The following CDH18 variants were observed in gnomAD, a reference collection of about 807,000 sequenced individuals.
The protein encoded by CDH18 is cadherin-18.
A neutral mutation model predicts 67.9 loss-of-function variants in CDH18; 31 were observed. The ratio of observed to expected loss-of-function variants is 0.46; its 90% CI spans 0.34 to 0.62. The LOEUF (loss-of-function observed/expected upper bound fraction) is 0.62. Among genes scored for constraint, CDH18 ranks in the 20% least tolerant of loss-of-function variants. The pLI is 0.01. For missense variants in CDH18, 890 were observed against 975.5 expected (o/e 0.91, Z 1.17); for synonymous variants, 362 against 347.2 (o/e 1.04, Z -0.48).
chr5:20,494,442 T>C (rs1753789339), intron 1 of CDH18, among the ~76,000 whole-genome samples: 1 of 152,142 alleles, frequency 6.6e-6, no homozygotes, highest in African/African-American at 2.4e-5. Flanking sequence ...GGACCTTACA[T>C]GACTGTACAG....
At chr5:19,749,850 C>T (rs559350089) in intron 3 of CDH18, among the ~76,000 whole-genome samples, 2 of 151,242 alleles carry the variant, frequency 1.3e-5, no homozygotes, top group South Asian at 2.1e-4. Context: ...TTTTATAATA[C>T]CTAGTTAACA....
intron 2 of CDH18, among the ~76,000 whole-genome samples, chr5:20,097,622 G>A (rs1026583096): frequency 4.0e-5 from 6 of 151,860 alleles, no homozygotes; most frequent in Admixed American, 6.6e-5. Flanking sequence ...TATTATATTC[G>A]GTTATTTATA....
chr5:19,496,798 T>A (rs1460184515), intron 11 of CDH18, among the ~76,000 whole-genome samples: 1 of 116,314 alleles, frequency 8.6e-6, no homozygotes, highest in Non-Finnish European at 1.6e-5. Context: ...GGCAACAGAG[T>A]GAGACTCCAT....
chr5:20,046,798 G>C (rs1393434748), intron 2 of CDH18, among the ~76,000 whole-genome samples: 1 of 151,522 alleles, frequency 6.6e-6, no homozygotes, highest in Non-Finnish European at 1.5e-5. Context: ...CTTTTCGAGA[G>C]CTGTTTTATT....
chr5:20,567,847 C>T (rs1758601704), intron 1 of CDH18, among the ~76,000 whole-genome samples: 1 of 152,062 alleles, frequency 6.6e-6, no homozygotes, highest in Non-Finnish European at 1.5e-5. Flanking sequence ...TGGAGAATGC[C>T]TAATCGGTTT....
chr5:19,821,195 A>G (rs1191141461), intron 3 of CDH18, among the ~76,000 whole-genome samples: 1 of 152,090 alleles, frequency 6.6e-6, no homozygotes, highest in Non-Finnish European at 1.5e-5. Flanking sequence ...ACCCAATCCA[A>G]AGAAGCCAGT....
chr5:19,865,448 G>A (rs1047892262), intron 2 of CDH18, among the ~76,000 whole-genome samples: 48 of 151,970 alleles, frequency 3.2e-4, no homozygotes, highest in African/African-American at 1.1e-3. Flanking sequence ...AATTCTATCC[G>A]GGCAAATTTA....
chr5:20,465,593 T>C (rs987633319), intron 1 of CDH18, among the ~76,000 whole-genome samples: 2 of 152,050 alleles, frequency 1.3e-5, no homozygotes, highest in African/African-American at 4.8e-5. Context: ...TACTAATTAG[T>C]ATGATTTATA....
chr5:19,826,291 C>G (rs1780398425), intron 3 of CDH18, among the ~76,000 whole-genome samples: 1 of 152,176 alleles, frequency 6.6e-6, no homozygotes, highest in East Asian at 1.9e-4. Context: ...AATCAAGCAA[C>G]TTGGAAAACA....
chr5:20,264,299 A>G (rs1180956308), intron 1 of CDH18, among the ~76,000 whole-genome samples: 1 of 152,086 alleles, frequency 6.6e-6, no homozygotes, highest in African/African-American at 2.4e-5. Flanking sequence ...AGTTCTCCAA[A>G]GAATCTTAAT....
chr5:19,955,859 C>T (rs535622388), intron 2 of CDH18, among the ~76,000 whole-genome samples: 1 of 151,956 alleles, frequency 6.6e-6, no homozygotes, highest in East Asian at 1.9e-4. Flanking sequence ...ACTTGCTGAC[C>T]AGGATGTTAC....
chr5:20,172,518 G>A (rs7715543), intron 2 of CDH18, among the ~76,000 whole-genome samples: 2,706 of 151,818 alleles, frequency 0.018, 35 homozygotes, highest in Non-Finnish European at 0.032. Flanking sequence ...AGAATTTAAA[G>A]TGTGACTTAT....
intron 2 of CDH18, among the ~76,000 whole-genome samples, chr5:19,920,435 A>G (rs995494339): frequency 6.6e-6 from 1 of 151,654 alleles, no homozygotes; most frequent in Non-Finnish European, 1.5e-5. Context: ...CTTTAGAATC[A>G]CCAATTATCC....
rs144029710 is a variant in CDH18, at chr5:20,061,266, CA to C, written c.-517-69253del. ...TTTCATAAAAATATTAAGAACTCCACAAAAATTATTTAGAAATAAATAATGA... is the reference window on the plus strand; with the variant it reads ...TTTCATAAAAATATTAAGAACTCCACAAAATTATTTAGAAATAAATAATGA... On this transcript the variant is annotated intron_variant, in intron 2 of 14. Coordinates refer to the CDH18 transcript ENST00000507958. 0.022 allele frequency among the ~76,000 whole-genome samples: 3,295 copies of C among 151,844 alleles called. 213 individuals carry two copies. The East Asian group carries it at 0.27, about 12-fold the overall frequency.
intron 2 of CDH18, among the ~76,000 whole-genome samples, chr5:19,851,781 C>T (rs1399020442): frequency 6.6e-6 from 1 of 150,822 alleles, no homozygotes; most frequent in Non-Finnish European, 1.5e-5. Context: ...ATATATATTC[C>T]CCTTGAAAAG....
chr5:20,543,008 G>A (rs547111872), intron 1 of CDH18, among the ~76,000 whole-genome samples: 133 of 151,858 alleles, frequency 8.8e-4, no homozygotes, highest in African/African-American at 3.0e-3. Flanking sequence ...TTTGTTTGGC[G>A]TTTCATGGCT....
chr5:20,027,079 A>T (rs1480363308), intron 2 of CDH18, among the ~76,000 whole-genome samples: 1 of 151,246 alleles, frequency 6.6e-6, no homozygotes, highest in Non-Finnish European at 1.5e-5. Context: ...TTCTTTTATG[A>T]AAATAATACT....
At chr5:19,845,735 A>G (rs952983258) in intron 2 of CDH18, among the ~76,000 whole-genome samples, 16 of 151,922 alleles carry the variant, frequency 1.1e-4, no homozygotes, top group Admixed American at 5.3e-4. Flanking sequence ...CTGAGTTAAT[A>G]CATTTATAAT....
intron 4 of CDH18, among the ~76,000 whole-genome samples, chr5:19,724,512 T>TACACACAC (rs34923644): frequency 2.0e-5 from 3 of 148,784 alleles, no homozygotes; most frequent in African/African-American, 7.5e-5. Flanking sequence ...CACACAGACA[T>TACACACAC]ACACACACAC....
Sources: gnomAD v4.1 joint callset for allele counts (sites outside exome capture counted in the v4.1 genomes callset) on GRCh38, gnomAD v4.1.1 for gene constraint, MANE v1.5 for transcripts, NCBI Gene and HGNC (gene_info 2026-07-23, HGNC 2026-07-21) for gene names.